Variants in DCAF8L2 observed in about 807,000 individuals in gnomAD.
DCAF8L2 encodes the protein DDB1 and CUL4 associated factor 8 like 2, also known as DDB1- and CUL4-associated factor 8-like protein 2.
For synonymous variants in DCAF8L2, 200 were observed against 190.9 expected (o/e 1.05, Z -0.39); for missense variants, 430 against 490.7 (o/e 0.88, Z 1.17).
At chrX:27,614,004 T>C (rs1927325770) in intron 1 of DCAF8L2, among the ~76,000 whole-genome samples, 1 of 111,732 alleles carries the variant, frequency 8.9e-6, no homozygotes, top group African/African-American at 3.3e-5. Context: ...TTTCTATTGT[T>C]TGGAAAAGTT....
intron 2 of DCAF8L2, among the ~76,000 whole-genome samples, chrX:27,667,660 T>TTAA (rs1929788496): frequency 1.8e-5 from 2 of 111,940 alleles, no homozygotes; most frequent in Non-Finnish European, 3.8e-5. Flanking sequence ...GTTATGGCTT[T>TTAA]GTTTAAAAAT....
At chrX:27,576,321 C>G in the DCAF8L2 span, among the ~76,000 whole-genome samples, 1 of 111,947 alleles carries the variant, frequency 8.9e-6, no homozygotes, top group African/African-American at 3.2e-5. Flanking sequence ...TTGAGTCTTA[C>G]CAGCTGTGTG....
intron 2 of DCAF8L2, among the ~76,000 whole-genome samples, chrX:27,663,173 C>T (rs185572529): frequency 2.7e-5 from 3 of 111,516 alleles, no homozygotes; most frequent in African/African-American, 6.5e-5. Context: ...CAATGGTATC[C>T]CATAGAGTGA....
the DCAF8L2 span, chrX:27,518,018 C>A: frequency 9.5e-7 from 1 of 1,051,329 alleles, no homozygotes; most frequent in Non-Finnish European, 1.3e-6. Flanking sequence ...AAAAAGGTGA[C>A]ACAGCAAGAT....
At chrX:27,471,569 A>G in the DCAF8L2 span, among the ~76,000 whole-genome samples, 1 of 110,653 alleles carries the variant, frequency 9.0e-6, no homozygotes, top group South Asian at 3.9e-4. Context: ...CTCCTTCCTC[A>G]TGGTTCACAT....
chrX:27,531,115 A>G, the DCAF8L2 span, among the ~76,000 whole-genome samples: 20 of 112,094 alleles, frequency 1.8e-4, no homozygotes, highest in South Asian at 7.4e-3. Flanking sequence ...GTCTGTTCTC[A>G]CACTTCTAAT....
At chrX:27,720,850 T>C (rs1363573794) in intron 4 of DCAF8L2, among the ~76,000 whole-genome samples, 1 of 111,940 alleles carries the variant, frequency 8.9e-6, no homozygotes, top group Admixed American at 9.5e-5. Flanking sequence ...CCATGTTTTG[T>C]AATTTGGTGT....
At chrX:27,656,863 G>T (rs979467566) in intron 2 of DCAF8L2, among the ~76,000 whole-genome samples, 1 of 111,168 alleles carries the variant, frequency 9.0e-6, no homozygotes, top group Non-Finnish European at 1.9e-5. Flanking sequence ...AAAGTTACAT[G>T]ATGTGATGGT....
At chrX:27,556,009 G>C in the DCAF8L2 span, among the ~76,000 whole-genome samples, 1 of 111,048 alleles carries the variant, frequency 9.0e-6, no homozygotes, top group African/African-American at 3.3e-5. Flanking sequence ...CTTGATCAGT[G>C]ACTATTGACC....
the DCAF8L2 span, among the ~76,000 whole-genome samples, chrX:27,560,081 C>T: frequency 9.1e-6 from 1 of 110,190 alleles, no homozygotes; most frequent in Non-Finnish European, 1.9e-5. Context: ...TCCTGGCTAA[C>T]ACGGTGAAAC....
chrX:27,607,421 T>C (rs1182518684), intron 1 of DCAF8L2, among the ~76,000 whole-genome samples: 1 of 111,523 alleles, frequency 9.0e-6, no homozygotes, highest in Non-Finnish European at 1.9e-5. Flanking sequence ...TCCAATTTCC[T>C]CTGAGATTTG....
At chrX:27,624,978 CA>C (rs1246378802) in intron 1 of DCAF8L2, among the ~76,000 whole-genome samples, 1 of 111,575 alleles carries the variant, frequency 9.0e-6, no homozygotes, top group Non-Finnish European at 1.9e-5. Flanking sequence ...GCAATTGTGA[CA>C]AAAAGAAAAA....
chrX:27,566,514 T>A, the DCAF8L2 span, among the ~76,000 whole-genome samples: 1 of 110,955 alleles, frequency 9.0e-6, no homozygotes, highest in African/African-American at 3.3e-5. Context: ...GGTTATCTAG[T>A]TGTTGGCATA....
chrX:27,651,065 G>A (rs1207439739), intron 2 of DCAF8L2, among the ~76,000 whole-genome samples: 1 of 112,054 alleles, frequency 8.9e-6, no homozygotes, highest in African/African-American at 3.2e-5. Flanking sequence ...TATGATTTTT[G>A]TTTTTAATCC....
chrX:27,667,728 T>C (rs1225367679), intron 2 of DCAF8L2, among the ~76,000 whole-genome samples: 3 of 108,780 alleles, frequency 2.8e-5, no homozygotes, highest in Admixed American at 9.6e-5. Context: ...TACTTAAAAA[T>C]AGAAAGCAAA....
At chrX:27,596,223 T>A (rs1926352498) in intron 1 of DCAF8L2, among the ~76,000 whole-genome samples, 1 of 112,033 alleles carries the variant, frequency 8.9e-6, no homozygotes, top group African/African-American at 3.2e-5. Context: ...TTTATTTTCC[T>A]ACTGATTTTA....
At chrX:27,653,358 C>T (rs1021000248) in intron 2 of DCAF8L2, among the ~76,000 whole-genome samples, 1 of 111,360 alleles carries the variant, frequency 9.0e-6, no homozygotes, top group Non-Finnish European at 1.9e-5. Flanking sequence ...CTCTAAATTA[C>T]CATGCCCCAC....
chrX:27,567,546 CATATATATATATATATATATATAT>C, the DCAF8L2 span, among the ~76,000 whole-genome samples: 9 of 29,624 alleles, frequency 3.0e-4, no homozygotes, highest in South Asian at 2.7e-3. Context: ...ACCACTGTAG[CATATATATATATATATATATATAT>C]ATATATATAT....
chrX:27,539,701 A>G, the DCAF8L2 span, among the ~76,000 whole-genome samples: 1 of 105,410 alleles, frequency 9.5e-6, no homozygotes, highest in African/African-American at 3.3e-5. Context: ...AGTTAATCTT[A>G]GTTAAGTGCA....
Sources: gnomAD v4.1 joint callset for allele counts (sites outside exome capture counted in the v4.1 genomes callset) on GRCh38, gnomAD v4.1.1 for gene constraint, MANE v1.5 for transcripts, NCBI Gene and HGNC (gene_info 2026-07-23, HGNC 2026-07-21) for gene names.